Variants in CEP112 observed in about 807,000 individuals in gnomAD.
The protein encoded by CEP112 is centrosomal protein 112.
CEP112 carries 127 observed loss-of-function variants against 153.0 expected under a neutral mutation model. The observed-to-expected ratio is 0.83, with a 90% CI of 0.72 to 0.96. CEP112 has a LOEUF of 0.96. Ranked by LOEUF, CEP112 falls within the 40% of genes least tolerant of loss-of-function variation. The probability of loss-of-function intolerance (pLI) is 0.00; values close to 1 mark genes in which losing one functional copy is unlikely to be tolerated. For synonymous variants in CEP112, 358 were observed against 374.4 expected, an observed-to-expected ratio of 0.96 and a Z score of 0.51; for missense variants, 1,089 against 1,101.2, an observed-to-expected ratio of 0.99 and a Z score of 0.16.
intron 17 of CEP112, among the ~76,000 whole-genome samples, chr17:65,965,698 T>C (rs1013304883): frequency 2.6e-5 from 4 of 151,964 alleles, no homozygotes; most frequent in African/African-American, 9.7e-5. Context: ...ATTTTTTTCT[T>C]TTTTGTAGAA....
intron 6 of CEP112, among the ~76,000 whole-genome samples, chr17:66,101,826 C>T (rs963608052): frequency 7.2e-5 from 11 of 151,850 alleles, no homozygotes; most frequent in Non-Finnish European, 1.3e-4. Context: ...AACAATCATG[C>T]TGAGTTTTTG....
intron 6 of CEP112, among the ~76,000 whole-genome samples, chr17:66,127,761 T>C (rs1460042738): frequency 6.6e-6 from 1 of 152,110 alleles, no homozygotes; most frequent in Non-Finnish European, 1.5e-5. Context: ...CCTTGAACTA[T>C]CCCATTTAAC....
At chr17:65,722,509 A>G (rs1211773662) in intron 23 of CEP112, among the ~76,000 whole-genome samples, 1 of 152,200 alleles carries the variant, frequency 6.6e-6, no homozygotes, top group Non-Finnish European at 1.5e-5. Context: ...TTGGCCTCCC[A>G]AAGTGCTGGG....
intron 21 of CEP112, among the ~76,000 whole-genome samples, chr17:65,825,961 A>G (rs1309922593): frequency 6.6e-6 from 1 of 152,150 alleles, no homozygotes; most frequent in Non-Finnish European, 1.5e-5. Flanking sequence ...AGTCCAGCAT[A>G]TCTAGATGAT....
intron 21 of CEP112, among the ~76,000 whole-genome samples, chr17:65,834,762 T>A (rs2057233843): frequency 6.6e-6 from 1 of 152,146 alleles, no homozygotes; most frequent in Non-Finnish European, 1.5e-5. Context: ...TGTAAATTAG[T>A]TCAACCATTG....
chr17:65,970,295 A>G (rs537556524), intron 17 of CEP112, among the ~76,000 whole-genome samples: 1 of 135,740 alleles, frequency 7.4e-6, no homozygotes, highest in East Asian at 3.1e-4. Flanking sequence ...TGGATGTCAT[A>G]CTGCATGTGT....
intron 18 of CEP112, among the ~76,000 whole-genome samples, chr17:65,953,732 T>A (rs1237729474): frequency 6.6e-6 from 1 of 151,990 alleles, no homozygotes; most frequent in Non-Finnish European, 1.5e-5. Context: ...GAGGCAGCCA[T>A]AATCCCCCTG....
intron 18 of CEP112, among the ~76,000 whole-genome samples, chr17:65,949,094 A>G (rs2061735403): frequency 6.6e-6 from 1 of 152,172 alleles, no homozygotes; most frequent in African/African-American, 2.4e-5. Flanking sequence ...AATTTGAGTT[A>G]TATCAGATTC....
intron 19 of CEP112, among the ~76,000 whole-genome samples, chr17:65,920,362 A>AAAAAAAAAAAAAAAAAAAAAAATATAT (rs1555713324): frequency 2.3e-5 from 1 of 42,778 alleles, no homozygotes; most frequent in African/African-American, 8.6e-5. Flanking sequence ...AAACAAACAA[A>AAAAAAAAAAAAAAAAAAAAAAATATAT]ATATATATAT....
At chr17:66,174,221 C>A (rs1440134559) in intron 4 of CEP112, among the ~76,000 whole-genome samples, 1 of 152,318 alleles carries the variant, frequency 6.6e-6, no homozygotes, top group Non-Finnish European at 1.5e-5. Context: ...AGCCACCATG[C>A]CCGGCCTGTT....
intron 17 of CEP112, among the ~76,000 whole-genome samples, chr17:65,967,056 C>A (rs55646355): frequency 0.41 from 62,620 of 151,666 alleles, 14,269 homozygotes; most frequent in East Asian, 0.87. Flanking sequence ...AGAAATTATT[C>A]TCTCGCTACT....
chr17:65,919,711 T>C (rs2060631501), intron 19 of CEP112, among the ~76,000 whole-genome samples: 1 of 152,080 alleles, frequency 6.6e-6, no homozygotes, highest in Non-Finnish European at 1.5e-5. Context: ...ACAGTATCCC[T>C]CCAGAATACT....
intron 21 of CEP112, among the ~76,000 whole-genome samples, chr17:65,758,712 T>A (rs149993768): frequency 6.6e-5 from 10 of 152,322 alleles, no homozygotes; most frequent in African/African-American, 1.9e-4. Context: ...TATAATAGCA[T>A]AAGTTTCTGA....
chr17:65,997,798 C>T (rs5012969), intron 17 of CEP112, among the ~76,000 whole-genome samples: 4 of 149,344 alleles, frequency 2.7e-5, no homozygotes, highest in African/African-American at 7.4e-5. Flanking sequence ...CATCCCCCCC[C>T]CCACACACAC....
chr17:66,056,193 TC>T (rs1329973664), intron 11 of CEP112, among the ~76,000 whole-genome samples: 1 of 152,192 alleles, frequency 6.6e-6, no homozygotes, highest in African/African-American at 2.4e-5. Context: ...CTTCCCAGCA[TC>T]CTACATATTC....
chr17:65,726,020 G>A (rs1598407780), intron 23 of CEP112, among the ~76,000 whole-genome samples: 1 of 152,196 alleles, frequency 6.6e-6, no homozygotes, highest in South Asian at 2.1e-4. Context: ...CCAGTACTGT[G>A]GGTGTTATGA....
chr17:65,902,135 A>G lies in CEP112; in HGVS notation c.2163+17T>C. ...TAAAAACAGATACCCGTTTTATCAAATATTATTGATAATTACCTGTGCATC... is the reference window on the plus strand; with the variant it reads ...TAAAAACAGATACCCGTTTTATCAAGTATTATTGATAATTACCTGTGCATC... On this transcript the variant is annotated intron_variant, in intron 20 of 26. Transcript: ENST00000535342. 6.3e-7 allele frequency: 1 copy of G among 1,582,546 alleles called. No individual in the cohort carries two copies. The highest frequency in any genetic ancestry group is 8.7e-7 in the Non-Finnish European group (1 of 1,155,268).
At chr17:65,748,229 C>T (rs935135409) in intron 22 of CEP112, among the ~76,000 whole-genome samples, 10 of 152,204 alleles carry the variant, frequency 6.6e-5, no homozygotes, top group African/African-American at 2.4e-4. Context: ...ATCATCCTAA[C>T]TTTTATGAGA....
At chr17:65,898,799 G>A (rs1304506650) in intron 20 of CEP112, among the ~76,000 whole-genome samples, 3 of 152,094 alleles carry the variant, frequency 2.0e-5, no homozygotes, top group Admixed American at 6.6e-5. Flanking sequence ...ACTGCAACAG[G>A]TCACAGAGTG....
Sources: gnomAD v4.1 joint callset for allele counts (sites outside exome capture counted in the v4.1 genomes callset) on GRCh38, gnomAD v4.1.1 for gene constraint, MANE v1.5 for transcripts, NCBI Gene and HGNC (gene_info 2026-07-23, HGNC 2026-07-21) for gene names.